Variants in MMACHC observed in about 807,000 individuals in gnomAD.
MMACHC encodes metabolism of cobalamin associated C, also known as cyanocobalamin reductase / alkylcobalamin dealkylase.
Under a neutral mutation model 17.6 loss-of-function variants are expected in MMACHC, and 14 were observed. The ratio of observed to expected loss-of-function variants is 0.80; its 90% confidence interval spans 0.53 to 1.25. The LOEUF (loss-of-function observed/expected upper bound fraction) is 1.25, where lower values mean the gene tolerates loss of function less well. Ranked by LOEUF, MMACHC falls within the 50% of genes most tolerant of loss-of-function variation. MMACHC has a pLI of 0.00. For missense variants in MMACHC, 392 were observed against 364.5 expected, an observed-to-expected ratio of 1.08 and a Z score of -0.62; for synonymous variants, 151 against 142.1, an observed-to-expected ratio of 1.06 and a Z score of -0.45.
intron 1 of MMACHC, among the ~76,000 whole-genome samples, chr1:45,501,254 G>A (rs1054053181): frequency 2.0e-5 from 3 of 152,122 alleles, no homozygotes; most frequent in Admixed American, 1.3e-4. Context: ...TCTCAGCACC[G>A]CACCCCGACC....
Position 45,511,008 on chromosome 1 carries a change from C to A in MMACHC, c.*1793C>A, listed in dbSNP as rs1643732537. 1 of 201,874 alleles carries A rather than the reference C, an allele frequency of 5.0e-6. No individual in the cohort carries two copies. Among genetic ancestry groups the A allele is most frequent in the Admixed American group, 6.0e-5 (1 of 16,740 alleles). The allele number at this position is 201,874 out of a possible 1,614,324, so 12.5% of individuals were successfully genotyped here. On this transcript the variant is annotated 3_prime_UTR_variant, in exon 4 of 4. Transcript: ENST00000401061. Reference sequence around the variant, plus strand: ...GCAAGGAGTAAATTCCTCTTAAAATCAAAAGCTAATAATATGCTTCCTAAA... The same window carrying A: ...GCAAGGAGTAAATTCCTCTTAAAATAAAAAGCTAATAATATGCTTCCTAAA...
At chr1:45,500,883 A>AT (rs1430895259) in intron 1 of MMACHC, among the ~76,000 whole-genome samples, 6 of 150,936 alleles carry the variant, frequency 4.0e-5, no homozygotes, top group African/African-American at 1.5e-4. Context: ...AAAAAAAAAA[A>AT]AAAAGTTGTC....
Position 45,509,132 on chromosome 1 carries a change from G to A in MMACHC, c.766G>A (p.Ala256Thr), listed in dbSNP as rs187494806. ...PSPDLPFTTP[A>T]PKKPGNPSRA... ...CCCGGACCTTCCCTTTACCACACCCGCCCCCAAGAAGCCTGGGAATCCCAG... is the reference window on the plus strand; with the variant it reads ...CCCGGACCTTCCCTTTACCACACCCACCCCCAAGAAGCCTGGGAATCCCAG... Residue 256 changes from alanine (A) to threonine (T), a missense_variant, in exon 4 of 4, where the codon GCC becomes ACC. Physicochemically the swap from Ala to Thr is moderately conservative, Grantham distance 58. Transcript: ENST00000401061. The A allele has an allele frequency of 3.7e-5, 60 of 1,611,296 alleles. No individual in the cohort carries two copies. The highest frequency in any genetic ancestry group is 2.4e-4 in the African/African-American group (18 of 74,760).
At chr1:45,501,816 C>T (rs1467437795) in intron 1 of MMACHC, among the ~76,000 whole-genome samples, 3 of 152,034 alleles carry the variant, frequency 2.0e-5, no homozygotes, top group East Asian at 1.9e-4. Context: ...CTGCCAGTCA[C>T]CCTAGGCTCC....
rs1240707214 is a variant in MMACHC, at chr1:45,512,411, G to C, written c.*3196G>C. On this transcript the variant is annotated 3_prime_UTR_variant, in exon 4 of 4. Coordinates refer to ENST00000401061, the MANE Select transcript of MMACHC (RefSeq NM_015506.3). ...TAGTGGGGCGTGGTGGTGGACCCCTGTAGTCCTAGCTACTCAGGAGGCTGA... is the reference window on the plus strand; with the variant it reads ...TAGTGGGGCGTGGTGGTGGACCCCTCTAGTCCTAGCTACTCAGGAGGCTGA... The C allele has an allele frequency of 2.0e-5, 3 of 150,862 alleles. No homozygotes were observed. The highest frequency in any genetic ancestry group is 6.6e-5 in the Admixed American group (1 of 15,138). 9.3% of individuals were successfully genotyped at this position (150,862 alleles called of 1,614,324 possible).
rs1188953412 is a variant in MMACHC, at chr1:45,510,711, C to T, written c.*1496C>T. On this transcript the variant is annotated 3_prime_UTR_variant, in exon 4 of 4. Coordinates refer to ENST00000401061, the MANE Select transcript of MMACHC (RefSeq NM_015506.3). ...CAGGCATTTATCAGAAGAGGCCAAG[C>T]TTCTGGTTCCCATGCAGCCCTTTGA... 1 of 152,212 alleles carries T rather than the reference C, an allele frequency of 6.6e-6. No individual in the cohort carries two copies. Among genetic ancestry groups the T allele is most frequent in the Admixed American group, 6.5e-5 (1 of 15,280 alleles). The allele number at this position is 152,212 out of a possible 1,614,324, so 9.4% of individuals were successfully genotyped here.
rs545651911 is a variant in MMACHC, at chr1:45,507,159, C to T, written c.82-197C>T. The stretch of plus-strand genomic sequence containing the variant: ...CCAGCCTGGGTGACAGAGCAAGACT[C>T]TGTCTCAAAAAATAATGAATTCCCT... On this transcript the variant is annotated intron_variant, in intron 1 of 3. Transcript: ENST00000401061. 6.6e-5 allele frequency among the ~76,000 whole-genome samples: 10 copies of T among 152,252 alleles called. No individual in the cohort carries two copies. The East Asian group carries it at 1.9e-3, about 30-fold the overall frequency.
chr1:45,502,781 C>T (rs1643565007), intron 1 of MMACHC, among the ~76,000 whole-genome samples: 1 of 151,624 alleles, frequency 6.6e-6, no homozygotes, highest in East Asian at 1.9e-4. Context: ...CTCAGCTCAC[C>T]ACAACCTCTG....
In MMACHC at chr1:45,511,588, A is replaced by G. The variant is rs1212188115; in HGVS notation, c.*2373A>G. ...TGAGCTAACCATTTTACAAACATAT[A>G]ATCATCACCACAGCCTTAAGATACT... is the stretch of plus-strand genomic sequence containing the variant. On this transcript the variant is annotated 3_prime_UTR_variant, in exon 4 of 4. Coordinates refer to ENST00000401061, the MANE Select transcript of MMACHC (RefSeq NM_015506.3). 2 of 436,230 alleles carry G rather than the reference A, an allele frequency of 4.6e-6. No individual in the cohort carries two copies. Among genetic ancestry groups the G allele is most frequent in the Non-Finnish European group, 8.1e-6 (2 of 245,946 alleles). The allele number at this position is 436,230 out of a possible 1,614,324, so 27.0% of individuals were successfully genotyped here. A position where few individuals can be genotyped will look rare whatever the true frequency, so the allele number is the denominator to read the frequency against.
chr1:45,500,915 C>G (rs545859930), intron 1 of MMACHC, among the ~76,000 whole-genome samples: 1 of 151,034 alleles, frequency 6.6e-6, no homozygotes, highest in East Asian at 1.9e-4. Flanking sequence ...CTTTTGCCAC[C>G]ATATAATGCC....
At position 45,509,362 on chromosome 1, in the gene MMACHC, G is replaced by A; in HGVS notation, c.*147G>A. The stretch of plus-strand genomic sequence containing the variant: ...AAGATAACAAGGCTCAAGGAAGTTA[G>A]GTTTGGCCAAGATAAAGGCCAGGGA... On this transcript the variant is annotated 3_prime_UTR_variant, in exon 4 of 4. Transcript: ENST00000401061. 5.2e-6 allele frequency: 5 copies of A among 960,346 alleles called. No homozygotes were observed. In the South Asian group the frequency reaches 8.2e-5, roughly 16 times the overall value. 59.5% of individuals were successfully genotyped at this position (960,346 alleles called of 1,614,324 possible).
At chr1:45,506,344 T>G (rs1027614237) in intron 1 of MMACHC, among the ~76,000 whole-genome samples, 1 of 152,202 alleles carries the variant, frequency 6.6e-6, no homozygotes, top group Non-Finnish European at 1.5e-5. Context: ...TGTCTTAAAA[T>G]GCCTTCAAGG....
At chr1:45,507,322 C>A (rs1473251739) in intron 1 of MMACHC, 34 bp from the exon 2 acceptor site, 4 of 1,608,316 alleles carry the variant, frequency 2.5e-6, no homozygotes, top group Non-Finnish European at 3.4e-6. Flanking sequence ...CCTAGACTGG[C>A]CCTCTCCAGC....
chr1:45,508,127 CACACA>C, intron 2 of MMACHC, 80 bp from the exon 3 acceptor site: 1 of 1,528,096 alleles, frequency 6.5e-7, no homozygotes, highest in Non-Finnish European at 9.1e-7. Context: ...CATGTTCACA[CACACA>C]AAACAAACTA....
chr1:45,511,769 T>A lies in MMACHC; in HGVS notation c.*2554T>A, dbSNP rs1486503639. Reference sequence around the variant, plus strand: ...ACTATGTAAACCCTTAACACTAAACTGTTTCTGACAGCCCTTCAGAGCTCT... The same window carrying A: ...ACTATGTAAACCCTTAACACTAAACAGTTTCTGACAGCCCTTCAGAGCTCT... On this transcript the variant is annotated 3_prime_UTR_variant, in exon 4 of 4. Transcript: ENST00000401061. 1 of 162,878 alleles carries A rather than the reference T, an allele frequency of 6.1e-6. No homozygotes were observed. Among genetic ancestry groups the A allele is most frequent in the Admixed American group, 6.4e-5 (1 of 15,516 alleles). 10.1% of individuals were successfully genotyped at this position (162,878 alleles called of 1,614,324 possible).
Position 45,508,980 on chromosome 1 carries a change from A to G in MMACHC, c.614A>G (p.Tyr205Cys). The G allele has an allele frequency of 6.2e-7, 1 of 1,614,110 alleles. No homozygotes were observed. The highest frequency in any genetic ancestry group is 1.1e-5 in the South Asian group (1 of 91,070). Residue 205 changes from tyrosine (Y) to cysteine (C), a missense_variant, in exon 4 of 4, where the codon TAC (tyrosine) becomes TGC (cysteine). Physicochemically the swap from Tyr to Cys is radical, Grantham distance 194. Transcript: ENST00000401061. ...AATTTCCACTGGCGTGATTGGACTT[A>G]CCGGGATGCTGTGACACCCCAGGAG... ...GFNFHWRDWTYRDAVTPQERY... is the reference protein window; with the variant it reads ...GFNFHWRDWTCRDAVTPQERY...
intron 2 of MMACHC, 73 bp from the exon 3 acceptor site, chr1:45,508,139 A>T: frequency 6.4e-7 from 1 of 1,574,000 alleles, no homozygotes; most frequent in Non-Finnish European, 8.7e-7. Flanking sequence ...CACAAAACAA[A>T]CTAGGGCTCC....
chr1:45,503,538 C>T (rs938352035), intron 1 of MMACHC, among the ~76,000 whole-genome samples: 3 of 146,768 alleles, frequency 2.0e-5, no homozygotes, highest in Non-Finnish European at 3.0e-5. Flanking sequence ...CAGGTTCAAG[C>T]GATTCTCCCG....
At chr1:45,500,719 C>A (rs1643528045) in intron 1 of MMACHC, among the ~76,000 whole-genome samples, 2 of 152,038 alleles carry the variant, frequency 1.3e-5, no homozygotes, top group African/African-American at 2.4e-5. Flanking sequence ...ATAAAATTAG[C>A]CGGGCGTGGT....
Sources: gnomAD v4.1 joint callset for allele counts (sites outside exome capture counted in the v4.1 genomes callset) on GRCh38, gnomAD v4.1.1 for gene constraint, MANE v1.5 for transcripts, NCBI Gene and HGNC (gene_info 2026-07-23, HGNC 2026-07-21) for gene names.